The following SYCP1 variants were observed in gnomAD, a reference collection of about 807,000 sequenced individuals.
The protein encoded by SYCP1 is synaptonemal complex protein 1, also known as cancer/testis antigen 8.
In SYCP1, 64 loss-of-function variants were observed where a neutral mutation model predicts 153.1. That is an observed-to-expected ratio of 0.42 (90% CI 0.34 to 0.51). The LOEUF (loss-of-function observed/expected upper bound fraction) is 0.51, where lower values mean the gene tolerates loss of function less well. Among genes scored for constraint, SYCP1 ranks in the 20% least tolerant of loss-of-function variants. SYCP1 has a pLI of 0.06. For synonymous variants in SYCP1, 384 were observed against 341.8 expected (o/e 1.12, Z -1.36); for missense variants, 997 against 1,049.0 (o/e 0.95, Z 0.68).
chr1:114,982,805 G>A (rs74934547), intron 29 of SYCP1, among the ~76,000 whole-genome samples: 8,597 of 151,804 alleles, frequency 0.057, 367 homozygotes, highest in Non-Finnish European at 0.084. Flanking sequence ...CATATTTTTT[G>A]TTTAAACTGG....
At chr1:114,958,101 T>A (rs1019965858) in intron 27 of SYCP1, among the ~76,000 whole-genome samples, 2 of 152,184 alleles carry the variant, frequency 1.3e-5, no homozygotes, top group African/African-American at 4.8e-5. Context: ...GGAATATTAA[T>A]CAGCCATAAA....
rs180722965 is a variant in SYCP1 at position 114,935,613 on chromosome 1, G to A, written c.1927-8726G>A. On this transcript the variant is annotated intron_variant, in intron 23 of 31. Transcript: ENST00000369522. ...CCTTCCAAAAAATCAATGAATCCAGGAGCTGGTTTTTTGAAAAGATCAACA... is the reference window on the plus strand; with the variant it reads ...CCTTCCAAAAAATCAATGAATCCAGAAGCTGGTTTTTTGAAAAGATCAACA... Among the ~76,000 whole-genome samples, 36 of 152,262 alleles carry A rather than the reference G, an allele frequency of 2.4e-4. No individual in the cohort carries two copies. In the East Asian group the frequency reaches 6.6e-3, roughly 28 times the overall value.
chr1:114,924,865 T>G (rs1213400043), intron 21 of SYCP1, among the ~76,000 whole-genome samples: 1 of 152,028 alleles, frequency 6.6e-6, no homozygotes, highest in East Asian at 1.9e-4. Flanking sequence ...AATTTTGACA[T>G]GAAGATTGTT....
At chr1:114,859,323 G>A (rs1337709925) in intron 6 of SYCP1, among the ~76,000 whole-genome samples, 1 of 152,072 alleles carries the variant, frequency 6.6e-6, no homozygotes, top group Non-Finnish European at 1.5e-5. Context: ...CCTAGACCTC[G>A]TGACCCACCT....
intron 3 of SYCP1, among the ~76,000 whole-genome samples, chr1:114,856,996 C>A (rs1315921877): frequency 6.8e-6 from 1 of 146,958 alleles, no homozygotes; most frequent in Non-Finnish European, 1.5e-5. Context: ...TGGTGGCATG[C>A]GCCTGCAGTC....
chr1:114,953,435 T>G (rs557057983), intron 27 of SYCP1, among the ~76,000 whole-genome samples: 3 of 152,364 alleles, frequency 2.0e-5, no homozygotes, highest in African/African-American at 7.2e-5. Context: ...TTGTAAAAGC[T>G]TTAGAATTTT....
At chr1:114,932,650 A>T (rs1247979090) in intron 23 of SYCP1, among the ~76,000 whole-genome samples, 3 of 152,198 alleles carry the variant, frequency 2.0e-5, no homozygotes, top group African/African-American at 7.2e-5. Context: ...TCCCTTTCCT[A>T]ACCAAGAGAA....
chr1:114,874,395 T>C lies in SYCP1; in HGVS notation c.599-111T>C, dbSNP rs867636978. ...AATGATTTAGATAACCCAATGTTCA[T>C]CATTAACACAGAATTTTAAATATTT... On this transcript the variant is annotated intron_variant, in intron 8 of 31. Transcript: ENST00000369522. 9 of 648,234 alleles carry C rather than the reference T, an allele frequency of 1.4e-5. 1 individual carries two copies. In the Middle Eastern group the frequency reaches 1.2e-3, roughly 83 times the overall value. 40.2% of individuals were successfully genotyped at this position (648,234 alleles called of 1,614,324 possible).
chr1:114,950,597 C>T (rs1474964828), intron 27 of SYCP1, among the ~76,000 whole-genome samples: 1 of 151,930 alleles, frequency 6.6e-6, no homozygotes, highest in Non-Finnish European at 1.5e-5. Flanking sequence ...TTTAGGTGTT[C>T]TTCTTCTATT....
At chr1:114,949,847 G>T (rs1670975877) in intron 27 of SYCP1, among the ~76,000 whole-genome samples, 1 of 152,064 alleles carries the variant, frequency 6.6e-6, no homozygotes, top group Admixed American at 6.5e-5. Context: ...AAATTTAAGG[G>T]CTTCTTTTTT....
Position 114,914,404 on chromosome 1 carries a change from TA to T in SYCP1, c.1718+360del, listed in dbSNP as rs968020324. Among the ~76,000 whole-genome samples, 19 of 151,666 alleles carry T rather than the reference TA, an allele frequency of 1.3e-4. No homozygotes were observed. In the East Asian group the frequency reaches 3.3e-3, roughly 26 times the overall value. Reference sequence around the variant, plus strand: ...TACTAGAGTATTTATACCCACTCTATATTTTTTTTTTTACATTTTAAAAAAT... The same window carrying T: ...TACTAGAGTATTTATACCCACTCTATTTTTTTTTTTTACATTTTAAAAAAT... On this transcript the variant is annotated intron_variant, in intron 20 of 31. Coordinates refer to ENST00000369522, the MANE Select transcript of SYCP1 (RefSeq NM_003176.4).
intron 27 of SYCP1, among the ~76,000 whole-genome samples, chr1:114,967,125 C>T (rs550820785): frequency 1.3e-5 from 2 of 152,206 alleles, no homozygotes; most frequent in Non-Finnish European, 2.9e-5. Flanking sequence ...AAGTGCTATG[C>T]GGTGCTGAGA....
chr1:114,946,490 GT>G, intron 26 of SYCP1, 109 bp downstream of exon 26: 2 of 594,614 alleles, frequency 3.4e-6, no homozygotes, highest in Non-Finnish European at 5.8e-6. Context: ...TAGAATCAGA[GT>G]CTTAACTCTG....
At chr1:114,994,641 A>C (rs1336494987) in intron 30 of SYCP1, 57 bp from the exon 31 acceptor site, 2 of 1,310,158 alleles carry the variant, frequency 1.5e-6, no homozygotes, top group African/African-American at 3.1e-5. Flanking sequence ...CAAAATGTTA[A>C]TAATATAATA....
intron 27 of SYCP1, among the ~76,000 whole-genome samples, chr1:114,977,281 A>G (rs1672856981): frequency 6.6e-6 from 1 of 151,768 alleles, no homozygotes; most frequent in Admixed American, 6.6e-5. Flanking sequence ...TTTATTTTAC[A>G]AATAAGAAAG....
intron 27 of SYCP1, among the ~76,000 whole-genome samples, chr1:114,968,700 A>G (rs762399008): frequency 1.1e-4 from 16 of 152,090 alleles, no homozygotes; most frequent in South Asian, 2.1e-4. Context: ...CTCAGTCTCC[A>G]TCCAGTTTTG....
chr1:114,972,078 A>G (rs548821625), intron 27 of SYCP1, among the ~76,000 whole-genome samples: 1 of 152,220 alleles, frequency 6.6e-6, no homozygotes, highest in East Asian at 1.9e-4. Flanking sequence ...ACTTTTTATT[A>G]TAGCTTCAAT....
chr1:114,977,764 A>T, intron 28 of SYCP1, 148 bp downstream of exon 28: 1 of 520,206 alleles, frequency 1.9e-6, no homozygotes, highest in Non-Finnish European at 3.1e-6. Context: ...CTATTTATTA[A>T]TTCAAAAGCA....
chr1:114,942,272 C>T (rs1043014555), intron 23 of SYCP1, among the ~76,000 whole-genome samples: 1 of 151,892 alleles, frequency 6.6e-6, no homozygotes, highest in East Asian at 1.9e-4. Flanking sequence ...TTACTGTCAA[C>T]ATTAAATTTT....
Sources: gnomAD v4.1 joint callset for allele counts (sites outside exome capture counted in the v4.1 genomes callset) on GRCh38, gnomAD v4.1.1 for gene constraint, MANE v1.5 for transcripts, NCBI Gene and HGNC (gene_info 2026-07-23, HGNC 2026-07-21) for gene names.